The following WDFY3 variants were observed in gnomAD, a reference collection of about 807,000 sequenced individuals.
WDFY3 encodes the protein WD repeat and FYVE domain-containing protein 3.
Under a neutral mutation model 409.6 loss-of-function variants are expected in WDFY3, and 66 were observed. That is an observed-to-expected ratio of 0.16 (90% CI 0.13 to 0.20). WDFY3 has a LOEUF of 0.20. Among genes scored for constraint, WDFY3 ranks in the 10% least tolerant of loss-of-function variants. The pLI is 1.00. For synonymous variants in WDFY3, 1,521 were observed against 1,537.1 expected (o/e 0.99, Z 0.25); for missense variants, 3,031 against 4,298.1 (o/e 0.71, Z 8.24).
At chr4:84,914,490 G>A (rs1561065769) in intron 2 of WDFY3, among the ~76,000 whole-genome samples, 3 of 152,102 alleles carry the variant, frequency 2.0e-5, no homozygotes, top group African/African-American at 7.2e-5. Flanking sequence ...AGAGTCAAAA[G>A]TTATACATAA....
At chr4:84,828,052 C>A (rs1454838548) in intron 9 of WDFY3, among the ~76,000 whole-genome samples, 1 of 148,136 alleles carries the variant, frequency 6.8e-6, no homozygotes, top group Non-Finnish European at 1.5e-5. Flanking sequence ...TGCACTCCAG[C>A]CTGGGAACAT....
intron 1 of WDFY3, among the ~76,000 whole-genome samples, chr4:84,951,505 T>A (rs891949269): frequency 6.6e-6 from 1 of 152,196 alleles, no homozygotes; most frequent in African/African-American, 2.4e-5. Context: ...ATATAAAAAA[T>A]CTAACTTAAA....
intron 8 of WDFY3, among the ~76,000 whole-genome samples, chr4:84,831,018 C>T (rs1257708397): frequency 6.6e-6 from 1 of 151,838 alleles, no homozygotes; most frequent in Non-Finnish European, 1.5e-5. Context: ...GAAACCCTGT[C>T]TCTACTAAAA....
intron 2 of WDFY3, among the ~76,000 whole-genome samples, chr4:84,925,422 T>G (rs1022917221): frequency 6.6e-6 from 1 of 152,062 alleles, no homozygotes; most frequent in Non-Finnish European, 1.5e-5. Flanking sequence ...ACAATGTGGA[T>G]TTTTACAAGA....
rs1462711644 is a variant in WDFY3 at position 84,672,985 on chromosome 4, A to C, written c.10464T>G (p.Ser3488Arg). 1.9e-6 allele frequency: 3 copies of C among 1,613,992 alleles called. No homozygotes were observed. Among genetic ancestry groups the C allele is most frequent in the Non-Finnish European group, 2.5e-6 (3 of 1,179,974 alleles). Residue 3488 changes from serine (S) to arginine (R), a missense_variant, in exon 68 of 68, where the codon AGT becomes AGG. Ser to Arg is a moderately radical substitution (Grantham distance 110). This residue lies in a region of WDFY3 where 378 missense variants were observed against 477.3 expected (regional missense o/e 0.79). Transcript: ENST00000295888. ...AGCGTTTGATTTCAGATTGAAAGCG[A>C]CTGCACCTAAAGGAAAGGAAAAGTC... ...NCGQLFCQKC[S>R]RFQSEIKRLK...
chr4:84,930,672 T>C (rs999210338), intron 2 of WDFY3, among the ~76,000 whole-genome samples: 1 of 152,192 alleles, frequency 6.6e-6, no homozygotes, highest in Non-Finnish European at 1.5e-5. Flanking sequence ...TCTCAAAATA[T>C]CTTATTGCAC....
At chr4:84,701,782 T>TA (rs1427073458) in intron 56 of WDFY3, among the ~76,000 whole-genome samples, 7 of 152,180 alleles carry the variant, frequency 4.6e-5, no homozygotes, top group African/African-American at 1.7e-4. Context: ...CCTTACAGGA[T>TA]AAAGAAAAGG....
intron 61 of WDFY3, among the ~76,000 whole-genome samples, chr4:84,689,222 T>C (rs1171281485): frequency 6.6e-6 from 1 of 152,142 alleles, no homozygotes; most frequent in East Asian, 1.9e-4. Context: ...TTTAATACTT[T>C]TGAGAGAGAA....
chr4:84,691,554 C>T lies in WDFY3; in HGVS notation c.9204+77G>A, dbSNP rs545129898. The T allele has an allele frequency of 3.4e-5, 51 of 1,494,382 alleles. No homozygotes were observed. In the African/African-American group the frequency reaches 6.0e-4, roughly 18 times the overall value. The allele number at this position is 1,494,382 out of a possible 1,614,324, so 92.6% of individuals were successfully genotyped here. A position where few individuals can be genotyped will look rare whatever the true frequency, so the allele number is the denominator to read the frequency against. On this transcript the variant is annotated intron_variant, in intron 60 of 67. Coordinates refer to ENST00000295888, the MANE Select transcript of WDFY3 (RefSeq NM_014991.6). ...GACAAGCCCTTGGACTGGGTTCTCC[C>T]CAACCCTATTAGTCATATAGGATAG...
intron 17 of WDFY3, among the ~76,000 whole-genome samples, chr4:84,799,160 T>C (rs1578570742): frequency 6.6e-6 from 1 of 152,000 alleles, no homozygotes; most frequent in Non-Finnish European, 1.5e-5. Context: ...TTTATCATCA[T>C]TTTTTTGTGT....
At chr4:84,739,728 A>T (rs1738073019) in intron 39 of WDFY3, among the ~76,000 whole-genome samples, 1 of 152,126 alleles carries the variant, frequency 6.6e-6, no homozygotes, top group African/African-American at 2.4e-5. Flanking sequence ...GTTTCCCCTC[A>T]AGAAGGCTGC....
At position 84,688,208 on chromosome 4, in the gene WDFY3, T is replaced by C. The variant is rs1560530910; in HGVS notation, c.9421A>G (p.Ile3141Val). The C allele has an allele frequency of 6.2e-7, 1 of 1,614,190 alleles. No individual in the cohort carries two copies. Among genetic ancestry groups the C allele is most frequent in the Non-Finnish European group, 8.5e-7 (1 of 1,180,040 alleles). ...TCATASLAYHIIVSGSRDRTC... is the reference protein window; with the variant it reads ...TCATASLAYHVIVSGSRDRTC... Reference sequence around the variant, plus strand: ...CGATCACGGGACCCACTGACAATTATGTGATAGGCTAATGATGCTGTGGCG... The same window carrying C: ...CGATCACGGGACCCACTGACAATTACGTGATAGGCTAATGATGCTGTGGCG... The change falls in exon 62 of 68, where the codon ATA becomes GTA. Residue 3141 changes from isoleucine to valine, a missense_variant. By Grantham distance (29) the Ile-to-Val change is conservative. This residue lies in a region of WDFY3 where 8 missense variants were observed against 30.3 expected (regional missense o/e 0.26). Transcript: ENST00000295888.
intron 2 of WDFY3, among the ~76,000 whole-genome samples, chr4:84,915,928 T>C (rs920186861): frequency 6.6e-6 from 1 of 152,214 alleles, no homozygotes; most frequent in East Asian, 1.9e-4. Flanking sequence ...TAATCAGGAA[T>C]GCTATGATTT....
Position 84,671,357 on chromosome 4 carries a change from G to A in WDFY3, c.*1511C>T, listed in dbSNP as rs1043909268. 3.9e-5 allele frequency: 6 copies of A among 152,518 alleles called. No homozygotes were observed. Among genetic ancestry groups the A allele is most frequent in the African/African-American group, 1.4e-4 (6 of 41,406 alleles). The allele number at this position is 152,518 out of a possible 1,614,324, so 9.4% of individuals were successfully genotyped here. A position where few individuals can be genotyped will look rare whatever the true frequency, so the allele number is the denominator to read the frequency against. On this transcript the variant is annotated 3_prime_UTR_variant, in exon 68 of 68. Transcript: ENST00000295888. ...GGCCTTTCCTTTCGCACCTGTGAAG[G>A]TGTGAAGGCCTATCTTGGGCCATTA...
At chr4:84,728,904 T>C (rs1270172260) in intron 44 of WDFY3, among the ~76,000 whole-genome samples, 1 of 152,198 alleles carries the variant, frequency 6.6e-6, no homozygotes, top group Non-Finnish European at 1.5e-5. Context: ...TCAGAATTTC[T>C]AGCAAATAAT....
At chr4:84,949,109 G>C (rs569008716) in intron 1 of WDFY3, among the ~76,000 whole-genome samples, 1 of 152,050 alleles carries the variant, frequency 6.6e-6, no homozygotes, top group African/African-American at 2.4e-5. Context: ...CTTAAATGTG[G>C]ACTGATTCTA....
At chr4:84,805,067 G>A (rs1751290228) in intron 15 of WDFY3, among the ~76,000 whole-genome samples, 2 of 152,056 alleles carry the variant, frequency 1.3e-5, no homozygotes, top group Admixed American at 1.3e-4. Flanking sequence ...ATGGATCAGA[G>A]TCAAAACACA....
intron 17 of WDFY3, 98 bp from the exon 18 acceptor site, chr4:84,798,206 C>T: frequency 9.5e-7 from 1 of 1,047,606 alleles, no homozygotes; most frequent in Non-Finnish European, 1.4e-6. Flanking sequence ...TTCCAACAGA[C>T]TAATTACAAT....
At chr4:84,711,761 G>A (rs917085180) in intron 51 of WDFY3, among the ~76,000 whole-genome samples, 1 of 151,744 alleles carries the variant, frequency 6.6e-6, no homozygotes, top group Non-Finnish European at 1.5e-5. Context: ...TGAGGCAGAA[G>A]AATCGTTTGA....
Sources: gnomAD v4.1 joint callset for allele counts (sites outside exome capture counted in the v4.1 genomes callset) on GRCh38, gnomAD v4.1.1 for gene constraint, gnomAD v4.1.1 regional missense constraint, MANE v1.5 for transcripts, NCBI Gene and HGNC (gene_info 2026-07-23, HGNC 2026-07-21) for gene names.